The following NRXN3 variants were observed in gnomAD, a reference collection of about 807,000 sequenced individuals.
NRXN3 encodes the protein neurexin 3, also known as neurexin III.
In NRXN3, 32 loss-of-function variants were observed where a neutral mutation model predicts 137.6. That is an observed-to-expected ratio of 0.23 (90% CI 0.18 to 0.31). NRXN3 has a LOEUF of 0.31. Ranked by LOEUF, NRXN3 falls within the 10% of genes least tolerant of loss-of-function variation. NRXN3 has a pLI of 1.00. For synonymous variants in NRXN3, 798 were observed against 784.5 expected (o/e 1.02, Z -0.29); for missense variants, 1,574 against 2,062.5 (o/e 0.76, Z 4.59).
chr14:79,717,970 A>G (rs2098829372), intron 19 of NRXN3, among the ~76,000 whole-genome samples: 1 of 152,240 alleles, frequency 6.6e-6, no homozygotes, highest in African/African-American at 2.4e-5. Flanking sequence ...CTGAGGCTGC[A>G]ATGAAAATAC....
intron 20 of NRXN3, among the ~76,000 whole-genome samples, chr14:79,854,646 A>G (rs2099398793): frequency 6.6e-6 from 1 of 152,166 alleles, no homozygotes; most frequent in Non-Finnish European, 1.5e-5. Context: ...GGTAGGCTCT[A>G]TTTGGTATCT....
intron 20 of NRXN3, among the ~76,000 whole-genome samples, chr14:79,834,649 C>A (rs2099332146): frequency 6.6e-6 from 1 of 152,098 alleles, no homozygotes; most frequent in Non-Finnish European, 1.5e-5. Context: ...GAGAGCGGTA[C>A]TCTAAGTTAA....
chr14:79,557,332 T>G (rs1392957977), intron 16 of NRXN3, among the ~76,000 whole-genome samples: 1 of 151,878 alleles, frequency 6.6e-6, no homozygotes, highest in Non-Finnish European at 1.5e-5. Context: ...TGCAAAAACC[T>G]AGTAGTTCTC....
chr14:78,672,203 T>G (rs1224140591), intron 6 of NRXN3, among the ~76,000 whole-genome samples: 1 of 152,228 alleles, frequency 6.6e-6, no homozygotes, highest in Admixed American at 6.5e-5. Context: ...TAGAATATTG[T>G]GAGCATCTCC....
At chr14:78,903,127 A>G (rs2099202533) in intron 10 of NRXN3, among the ~76,000 whole-genome samples, 1 of 149,900 alleles carries the variant, frequency 6.7e-6, no homozygotes. Flanking sequence ...CTGAGGAAAT[A>G]AACAATGAAG....
chr14:78,291,305 T>A (rs2075780524), intron 3 of NRXN3, among the ~76,000 whole-genome samples: 1 of 152,170 alleles, frequency 6.6e-6, no homozygotes, highest in Non-Finnish European at 1.5e-5. Flanking sequence ...GCAATGTCTT[T>A]CCCATAGAGC....
chr14:79,170,983 T>A (rs2061721802), intron 15 of NRXN3, among the ~76,000 whole-genome samples: 1 of 152,046 alleles, frequency 6.6e-6, no homozygotes, highest in Non-Finnish European at 1.5e-5. Context: ...TCTCCTTTAG[T>A]ATGTCTCAGC....
At chr14:79,567,290 A>G (rs1047345584) in intron 16 of NRXN3, among the ~76,000 whole-genome samples, 1 of 152,012 alleles carries the variant, frequency 6.6e-6, no homozygotes, top group Non-Finnish European at 1.5e-5. Context: ...TATGACAGAA[A>G]TGAAAAATAA....
At chr14:79,106,951 T>TA (rs1441850527) in intron 15 of NRXN3, among the ~76,000 whole-genome samples, 7 of 152,078 alleles carry the variant, frequency 4.6e-5, no homozygotes, top group African/African-American at 1.4e-4. Flanking sequence ...TGTGATTTTT[T>TA]AAAAAAAGTA....
intron 6 of NRXN3, among the ~76,000 whole-genome samples, chr14:78,664,248 G>T (rs1319718659): frequency 6.6e-6 from 1 of 152,120 alleles, no homozygotes; most frequent in Non-Finnish European, 1.5e-5. Flanking sequence ...TGCTTGCTAA[G>T]CTTCTCTCTC....
intron 4 of NRXN3, among the ~76,000 whole-genome samples, chr14:78,633,002 G>A (rs2097534803): frequency 6.6e-6 from 1 of 151,986 alleles, no homozygotes; most frequent in East Asian, 1.9e-4. Context: ...TTGGGAGGCC[G>A]AGACGGGCAG....
intron 18 of NRXN3, among the ~76,000 whole-genome samples, 198 bp from the exon 19 acceptor site, chr14:79,697,432 T>C (rs1431588585): frequency 6.6e-6 from 1 of 151,918 alleles, no homozygotes; most frequent in Admixed American, 6.6e-5. Context: ...TTATCAAAGA[T>C]TTTCAGCTAG....
chr14:79,599,068 T>G (rs1428764450), intron 16 of NRXN3, among the ~76,000 whole-genome samples: 2 of 152,190 alleles, frequency 1.3e-5, no homozygotes, highest in Non-Finnish European at 2.9e-5. Flanking sequence ...TATGATAACT[T>G]TTCAAATGTT....
chr14:79,581,240 G>A (rs1224540900), intron 16 of NRXN3, among the ~76,000 whole-genome samples: 2 of 152,126 alleles, frequency 1.3e-5, no homozygotes, highest in Non-Finnish European at 2.9e-5. Flanking sequence ...TAGACCCAGA[G>A]CCCTTAATCT....
At chr14:78,820,752 A>C (rs757771616) in intron 10 of NRXN3, among the ~76,000 whole-genome samples, 5 of 152,148 alleles carry the variant, frequency 3.3e-5, no homozygotes, top group Non-Finnish European at 5.9e-5. Context: ...GAGTTATAAT[A>C]ATCTAAGTGT....
chr14:79,378,440 G>T (rs1313245992), intron 15 of NRXN3, among the ~76,000 whole-genome samples: 5 of 152,186 alleles, frequency 3.3e-5, no homozygotes, highest in African/African-American at 1.2e-4. Flanking sequence ...GAGACTGGTG[G>T]CTTTGTCATT....
At chr14:79,827,108 C>CT (rs1415639799) in intron 20 of NRXN3, among the ~76,000 whole-genome samples, 1 of 152,120 alleles carries the variant, frequency 6.6e-6, no homozygotes, top group Non-Finnish European at 1.5e-5. Context: ...AGAGATGGCC[C>CT]TTGTGGGCCT....
chr14:79,856,368 A>C (rs1342091492), intron 20 of NRXN3, among the ~76,000 whole-genome samples: 1 of 152,192 alleles, frequency 6.6e-6, no homozygotes, highest in African/African-American at 2.4e-5. Flanking sequence ...ATCTTTGAAA[A>C]ATTAATTCTT....
Position 79,157,178 on chromosome 14 carries a change from T to C in NRXN3, c.3262+169037T>C, listed in dbSNP as rs981606945. On this transcript the variant is annotated intron_variant, in intron 15 of 20. Coordinates refer to ENST00000335750, the MANE Select transcript of NRXN3 (RefSeq NM_001330195.2). The stretch of plus-strand genomic sequence containing the variant: ...CAGGACATGCTTAGAACCCTTTGGG[T>C]CTTAATAAAACCTCTTTTAATATTC... 2.0e-5 allele frequency among the ~76,000 whole-genome samples: 3 copies of C among 151,782 alleles called. No individual in the cohort carries two copies. The South Asian group carries it at 6.2e-4, about 31-fold the overall frequency.
Sources: allele counts gnomAD v4.1 joint callset (sites outside exome capture counted in the v4.1 genomes callset), GRCh38; gene constraint gnomAD v4.1.1; transcripts MANE v1.5; gene names NCBI Gene and HGNC (gene_info 2026-07-23, HGNC 2026-07-21).